The following IMMT variants were observed in gnomAD, a reference collection of about 807,000 sequenced individuals.
The protein encoded by IMMT is inner membrane mitochondrial protein.
Under a neutral mutation model 92.7 loss-of-function variants are expected in IMMT, and 40 were observed. The observed-to-expected ratio is 0.43, with a 90% CI of 0.34 to 0.56. The LOEUF (loss-of-function observed/expected upper bound fraction) is 0.56, where lower values mean the gene tolerates loss of function less well. Among genes scored for constraint, IMMT ranks in the 20% least tolerant of loss-of-function variants. IMMT has a pLI of 0.03. For missense variants in IMMT, 831 were observed against 912.1 expected (o/e 0.91, Z 1.14); for synonymous variants, 322 against 336.1 (o/e 0.96, Z 0.46).
chr2:86,154,027 T>C (rs1675673090), intron 10 of IMMT, among the ~76,000 whole-genome samples: 1 of 151,998 alleles, frequency 6.6e-6, no homozygotes, highest in Non-Finnish European at 1.5e-5. Flanking sequence ...CATACCCGGC[T>C]AATTTTTGTA....
In IMMT at chr2:86,147,783, G is replaced by A. The variant is rs755268317; in HGVS notation, c.1452C>T (p.Arg484=). 8.7e-6 allele frequency: 14 copies of A among 1,613,818 alleles called. No individual in the cohort carries two copies. The Middle Eastern group carries it at 4.9e-4, about 57-fold the overall frequency. The part of the protein sequence containing the change: ...AMENEMRTQL[R]RQAAAHTDHL... ...GATCAGTGTGGGCAGCTGCCTGTCG[G>A]CGAAGCTGGGTTCTCATTTCATTTT... The change falls in exon 13 of 15, where the codon CGC becomes CGT. Residue 484 remains arginine (R), a synonymous_variant. Coordinates refer to ENST00000410111, the MANE Select transcript of IMMT (RefSeq NM_006839.3).
chr2:86,179,745 A>G, intron 2 of IMMT, 123 bp from the exon 3 acceptor site: 2 of 681,482 alleles, frequency 2.9e-6, no homozygotes, highest in Non-Finnish European at 4.6e-6. Flanking sequence ...TTCAGATCAT[A>G]GCAGCCAAGT....
chr2:86,147,369 T>C (rs1205006935), intron 13 of IMMT, among the ~76,000 whole-genome samples: 3 of 152,196 alleles, frequency 2.0e-5, no homozygotes, highest in African/African-American at 7.2e-5. Context: ...TCAAAACTTC[T>C]CTGGGAAATT....
intron 6 of IMMT, among the ~76,000 whole-genome samples, chr2:86,170,459 TA>T (rs1379617516): frequency 6.6e-6 from 1 of 152,210 alleles, no homozygotes; most frequent in Non-Finnish European, 1.5e-5. Flanking sequence ...TGCTAAAACA[TA>T]AATAATCAAT....
At chr2:86,166,919 G>A (rs181939453) in intron 6 of IMMT, among the ~76,000 whole-genome samples, 3,284 of 151,638 alleles carry the variant, frequency 0.022, 62 homozygotes, top group Non-Finnish European at 0.033. Flanking sequence ...CCAATGTGGT[G>A]AAACCCCGTC....
chr2:86,150,921 T>A (rs976861540), intron 12 of IMMT, among the ~76,000 whole-genome samples: 3 of 38,038 alleles, frequency 7.9e-5, no homozygotes, highest in East Asian at 5.6e-4. Flanking sequence ...ACTGTCAGTA[T>A]TTTTTTTTTT....
chr2:86,144,117 A>T lies in IMMT; in HGVS notation c.*151T>A. Reference sequence around the variant, plus strand: ...CACTGACATGATAGCAAATGGAAAGAATATAAATGCAACAGGTGTTAACAT... The same window carrying T: ...CACTGACATGATAGCAAATGGAAAGTATATAAATGCAACAGGTGTTAACAT... On this transcript the variant is annotated 3_prime_UTR_variant, in exon 15 of 15. Coordinates refer to ENST00000410111, the MANE Select transcript of IMMT (RefSeq NM_006839.3). The T allele has an allele frequency of 1.3e-6, 1 of 792,974 alleles. No individual in the cohort carries two copies. The allele number at this position is 792,974 out of a possible 1,614,324, so 49.1% of individuals were successfully genotyped here.
chr2:86,152,479 G>A (rs910937986), intron 11 of IMMT, among the ~76,000 whole-genome samples: 5 of 145,390 alleles, frequency 3.4e-5, no homozygotes, highest in South Asian at 2.2e-4. Flanking sequence ...TGGCTCCACC[G>A]GCCAGACACA....
intron 1 of IMMT, among the ~76,000 whole-genome samples, chr2:86,187,886 T>C (rs1320170282): frequency 6.7e-6 from 1 of 149,410 alleles, no homozygotes; most frequent in Non-Finnish European, 1.5e-5. Context: ...CACTCCAGCC[T>C]GGGCAACAAG....
chr2:86,173,149 T>C (rs1240315315), intron 4 of IMMT, among the ~76,000 whole-genome samples: 1 of 152,200 alleles, frequency 6.6e-6, no homozygotes, highest in Non-Finnish European at 1.5e-5. Flanking sequence ...GAAGTTCAAA[T>C]GTATACTGAA....
intron 14 of IMMT, among the ~76,000 whole-genome samples, chr2:86,145,265 T>TG (rs70953988): frequency 0.37 from 56,366 of 151,770 alleles, 12,877 homozygotes; most frequent in Non-Finnish European, 0.51. Context: ...GAGGCCGAGG[T>TG]GGGTGGATCA....
At chr2:86,167,482 TTG>T (rs1472034385) in intron 6 of IMMT, among the ~76,000 whole-genome samples, 19 of 47,912 alleles carry the variant, frequency 4.0e-4, no homozygotes, top group Admixed American at 7.4e-4. Context: ...TTTTTGTTTT[TTG>T]TTTTTTTTTT....
intron 14 of IMMT, among the ~76,000 whole-genome samples, chr2:86,145,523 T>C (rs1243967061): frequency 1.5e-5 from 2 of 133,512 alleles, no homozygotes; most frequent in Non-Finnish European, 3.2e-5. Context: ...AAAAAAGAAA[T>C]GGGAGACTTC....
intron 8 of IMMT, 69 bp downstream of exon 8, chr2:86,161,907 A>G (rs1676305615): frequency 1.0e-6 from 1 of 966,858 alleles, no homozygotes; most frequent in African/African-American, 1.6e-5. Flanking sequence ...CAGACAATAC[A>G]AAGAAAACCC....
Position 86,144,724 on chromosome 2 carries a change from T to C in IMMT, c.1821A>G (p.Glu607=), listed in dbSNP as rs560813155. 1.2e-6 allele frequency: 2 copies of C among 1,613,930 alleles called. No individual in the cohort carries two copies. Among genetic ancestry groups the C allele is most frequent in the Admixed American group, 3.3e-5 (2 of 60,016 alleles). Residue 607 remains glutamate, a synonymous_variant, in exon 15 of 15, where the codon GAA becomes GAG. Transcript: ENST00000410111. ...TAGCTGCGGTTAAAGCTTGGGTGAA[T>C]TCATTATCAGAACAGTTGGCTTTGA... is the stretch of plus-strand genomic sequence containing the variant. ...EAIKANCSDN[E]FTQALTAAIP...
At chr2:86,156,330 G>T (rs866810194) in intron 10 of IMMT, among the ~76,000 whole-genome samples, 2 of 152,216 alleles carry the variant, frequency 1.3e-5, no homozygotes, top group Middle Eastern at 3.4e-3. Context: ...GGTGTCTCAC[G>T]CCTGTAATCC....
At chr2:86,149,762 T>C (rs1675322751) in intron 12 of IMMT, among the ~76,000 whole-genome samples, 1 of 151,378 alleles carries the variant, frequency 6.6e-6, no homozygotes, top group Admixed American at 6.6e-5. Flanking sequence ...CCTGTAAGTC[T>C]AGCTACTCAG....
At chr2:86,172,266 G>A (rs1045129326) in intron 4 of IMMT, among the ~76,000 whole-genome samples, 6 of 151,730 alleles carry the variant, frequency 4.0e-5, no homozygotes, top group African/African-American at 7.3e-5. Flanking sequence ...CACTGTGCCC[G>A]GCCTTGGTTT....
Position 86,164,689 on chromosome 2 carries a change from C to CAAAAAAAAAA in IMMT, c.792+1809_792+1818dup, listed in dbSNP as rs56964046. On this transcript the variant is annotated intron_variant, in intron 7 of 14. Transcript: ENST00000410111. ...CTGGTGACAGAGCAAGACTCTGTCT[C>CAAAAAAAAAA]AAAAAAAAAAAAAAAGGAATGGATG... 1.6e-3 allele frequency among the ~76,000 whole-genome samples: 173 copies of CAAAAAAAAAA among 111,056 alleles called. 19 individuals are homozygous for CAAAAAAAAAA. The highest frequency in any genetic ancestry group is 1.5e-3 in the African/African-American group (41 of 27,426). The allele number at this position is 111,056 out of a possible 152,430, so 72.9% of individuals were successfully genotyped here.
Sources: gnomAD v4.1 joint callset for allele counts (sites outside exome capture counted in the v4.1 genomes callset) on GRCh38, gnomAD v4.1.1 for gene constraint, MANE v1.5 for transcripts, NCBI Gene and HGNC (gene_info 2026-07-23, HGNC 2026-07-21) for gene names.